IL32: variants seen among roughly 807,000 people sequenced by gnomAD.
IL32 encodes the protein interleukin-32.
A neutral mutation model predicts 16.6 loss-of-function variants in IL32; 30 were observed. The observed-to-expected ratio is 1.81, with a 90% CI of 1.35 to 2.45. The LOEUF (loss-of-function observed/expected upper bound fraction) is 2.45, where lower values mean the gene tolerates loss of function less well. IL32 is among the 30% of genes most tolerant of loss of function. The pLI, the probability that IL32 is intolerant of heterozygous loss-of-function variation, is 0.00. For synonymous variants in IL32, 70 were observed against 86.1 expected (o/e 0.81, Z 1.03); for missense variants, 234 against 229.8 (o/e 1.02, Z -0.12).
intron 4 of IL32, 157 bp downstream of exon 4, chr16:3,067,770 C>T (rs1011420925): frequency 9.8e-6 from 8 of 817,590 alleles, no homozygotes; most frequent in East Asian, 5.1e-5. Flanking sequence ...AGTGAGTGGG[C>T]GGGTGGGGGA....
intron 2 of IL32, among the ~76,000 whole-genome samples, chr16:3,066,175 G>A (rs1956285055): frequency 6.6e-6 from 1 of 152,214 alleles, no homozygotes; most frequent in Admixed American, 6.5e-5. Context: ...AGCAAGGCCT[G>A]TGTGGGTCCT....
In IL32 at chr16:3,069,518, T is replaced by G; in HGVS notation, c.*163T>G. ...GTCGCCCTGGCATCTTAATAAAACC[T>G]GCTTATACTTCCCTGGCAGGGGAGA... On this transcript the variant is annotated 3_prime_UTR_variant, in exon 7 of 7. Coordinates refer to ENST00000525643, the MANE Select transcript of IL32 (RefSeq NM_001376923.1). 3.5e-6 allele frequency: 3 copies of G among 859,436 alleles called. No individual in the cohort carries two copies. The highest frequency in any genetic ancestry group is 2.6e-5 in the East Asian group (1 of 38,020). The allele number at this position is 859,436 out of a possible 1,614,324, so 53.2% of individuals were successfully genotyped here. A position where few individuals can be genotyped will look rare whatever the true frequency, so the allele number is the denominator to read the frequency against.
rs757809713 is a variant in IL32 at position 3,067,423 on chromosome 16, T to C, written c.54+8T>C. The C allele has an allele frequency of 3.1e-6, 5 of 1,594,394 alleles. No homozygotes were observed. In the African/African-American group the frequency reaches 4.1e-5, roughly 13 times the overall value. The stretch of plus-strand genomic sequence containing the variant: ...AAGCTGAAGGCCCGAATGGTAATGC[T>C]CCTCCCTACTTCTGCTCAGGGGTTG... On this transcript the variant is annotated splice_region_variant and intron_variant, in intron 3 of 6. Transcript: ENST00000525643.
chr16:3,068,766 G>A, intron 6 of IL32: 1 of 674,000 alleles, frequency 1.5e-6, no homozygotes, highest in East Asian at 2.9e-5. Context: ...GCCCTGACCT[G>A]GTGACCAAGC....
intron 6 of IL32, chr16:3,068,481 G>T (rs1488208508): frequency 1.5e-5 from 8 of 527,130 alleles, no homozygotes; most frequent in African/African-American, 1.3e-4. Context: ...GATTTTTTTT[G>T]TGTGTGTTTT....
intron 6 of IL32, chr16:3,068,709 TG>T (rs965614871): frequency 1.0e-5 from 5 of 494,158 alleles, no homozygotes; most frequent in Non-Finnish European, 1.5e-5. Flanking sequence ...GACCTGCCCA[TG>T]GCCTCACTCC....
chr16:3,067,278 TG>T lies in IL32; in HGVS notation c.16-98del, dbSNP rs1567142054. 1.8e-4 allele frequency: 69 copies of T among 376,664 alleles called. No individual in the cohort carries two copies. The East Asian group carries it at 2.6e-3, about 14-fold the overall frequency. 23.3% of individuals were successfully genotyped at this position (376,664 alleles called of 1,614,324 possible). A position where few individuals can be genotyped will look rare whatever the true frequency, so the allele number is the denominator to read the frequency against. ...TACCTCTGCCATGTGTCTCTGTGTG[TG>T]TGTGTGTGTGTGTGTGTGTGTGTGT... On this transcript the variant is annotated intron_variant, in intron 2 of 6. Transcript: ENST00000525643.
upstream of IL32, chr16:3,065,588 G>T: frequency 3.1e-6 from 2 of 641,680 alleles, no homozygotes; most frequent in Non-Finnish European, 5.6e-6. Flanking sequence ...GAGAGGCTCC[G>T]CCCACTACCC....
chr16:3,068,089 T>C, intron 5 of IL32, 79 bp downstream of exon 5: 1 of 1,605,236 alleles, frequency 6.2e-7, no homozygotes. Flanking sequence ...GGGCCCCGGG[T>C]CCCCTTGGGA....
Position 3,069,430 on chromosome 16 carries a change from C to G in IL32, c.*75C>G. The G allele has an allele frequency of 6.8e-7, 1 of 1,481,076 alleles. No individual in the cohort carries two copies. Among genetic ancestry groups the G allele is most frequent in the Non-Finnish European group, 9.1e-7 (1 of 1,101,192 alleles). The allele number at this position is 1,481,076 out of a possible 1,614,324, so 91.7% of individuals were successfully genotyped here. On this transcript the variant is annotated 3_prime_UTR_variant, in exon 7 of 7. Transcript: ENST00000525643. ...CCCCTCCCTCAGCTGTCCTGTGCCC[C>G]GCCCTCTCCCGCACACTCAGTCCCC...
rs1202851876 is a variant in IL32 at position 3,066,060 on chromosome 16, CCCTTCACAG to C, written c.15+237_15+245del. 2.0e-5 allele frequency among the ~76,000 whole-genome samples: 3 copies of C among 152,230 alleles called. No homozygotes were observed. The South Asian group carries it at 6.2e-4, about 32-fold the overall frequency. On this transcript the variant is annotated intron_variant, in intron 2 of 6. Coordinates refer to ENST00000525643, the MANE Select transcript of IL32 (RefSeq NM_001376923.1). ...TGAGAGGGAGCACCTGTCCCAGGAG[CCCTTCACAG>C]CCCGGAAAGCCCGGGGCAGGGGTGG...
At chr16:3,068,929 G>C (rs1596265355) in intron 6 of IL32, 61 bp from the exon 7 acceptor site, 1 of 1,601,828 alleles carries the variant, frequency 6.2e-7, no homozygotes, top group African/African-American at 1.4e-5. Context: ...GCCTGGGTGT[G>C]GCCAGGGCCT....
At chr16:3,067,515 G>GA in intron 3 of IL32, 39 bp from the exon 4 acceptor site, 1 of 1,614,014 alleles carries the variant, frequency 6.2e-7, no homozygotes, top group Non-Finnish European at 8.5e-7. Context: ...GAGGGACAAG[G>GA]ATCCGGCCCT....
At position 3,067,383 on chromosome 16, in the gene IL32, T is replaced by C. The variant is rs1337467275; in HGVS notation, c.22T>C (p.Ser8Pro). 18 of 1,549,226 alleles carry C rather than the reference T, an allele frequency of 1.2e-5. No homozygotes were observed. The highest frequency in any genetic ancestry group is 2.3e-5 in the East Asian group (1 of 44,276). The change falls in exon 3 of 7, where the codon TCT becomes CCT. Residue 8 changes from serine to proline, a missense_variant. Around this residue, in one of 3 missense-constraint regions of IL32, gnomAD observed 137 missense variants for 80.7 expected, o/e 1.70. Coordinates refer to ENST00000525643, the MANE Select transcript of IL32 (RefSeq NM_001376923.1). ...GTCACCGTTATTTCCGCAGGTCCTC[T>C]CTGATGACATGAAGAAGCTGAAGGC... MCFPKVL[S>P]DDMKKLKARM... is the part of the protein sequence containing the mutation.
At chr16:3,068,440 G>A in intron 6 of IL32, 2 of 582,496 alleles carry the variant, frequency 3.4e-6, no homozygotes, top group South Asian at 2.0e-5. Context: ...CAAGTAGTTG[G>A]GACTACAGGC....
rs547829248 is a variant in IL32 at position 3,067,406 on chromosome 16, G to A, written c.45G>A (p.Lys15=). ...TCTCTGATGACATGAAGAAGCTGAA[G>A]GCCCGAATGGTAATGCTCCTCCCTA... ...KVLSDDMKKL[K]ARMHQAIERF... The change falls in exon 3 of 7, where the codon AAG becomes AAA. Residue 15 remains lysine (K), a synonymous_variant. Transcript: ENST00000525643. 2.3e-5 allele frequency: 36 copies of A among 1,570,210 alleles called. No homozygotes were observed. The highest frequency in any genetic ancestry group is 1.2e-4 in the African/African-American group (9 of 73,352).
At position 3,067,611 on chromosome 16, in the gene IL32, C is replaced by G; in HGVS notation, c.112C>G (p.Gln38Glu). 1 of 1,608,340 alleles carries G rather than the reference C, an allele frequency of 6.2e-7. No homozygotes were observed. Residue 38 changes from glutamine (Q) to glutamate (E), a missense_variant and splice_region_variant, in exon 4 of 7, where the codon CAG becomes GAG. This residue lies in a region of IL32 where 137 missense variants were observed against 80.7 expected (regional missense o/e 1.70). Coordinates refer to ENST00000525643, the MANE Select transcript of IL32 (RefSeq NM_001376923.1). ...GCAAAATGCAGAATCAGGACGTGGA[C>G]AGGTGGGTGGATTTCCCCTCAGGCA... ...KMQNAESGRG[Q>E]VMSSLAELED...
At chr16:3,065,432 AG>A, upstream of IL32, 1 of 315,700 alleles carries the variant, frequency 3.2e-6, no homozygotes, top group Non-Finnish European at 6.0e-6. Flanking sequence ...CAGAGGGAGC[AG>A]GGGCCCAGCC....
chr16:3,069,497 C>T lies in IL32; in HGVS notation c.*142C>T, dbSNP rs1956836070. The stretch of plus-strand genomic sequence containing the variant: ...CCGCAGCTCTGACCTGGTGCTGTCG[C>T]CCTGGCATCTTAATAAAACCTGCTT... On this transcript the variant is annotated 3_prime_UTR_variant, in exon 7 of 7. Transcript: ENST00000525643. 9.5e-7 allele frequency: 1 copy of T among 1,058,188 alleles called. No individual in the cohort carries two copies. 65.5% of individuals were successfully genotyped at this position (1,058,188 alleles called of 1,614,324 possible).
Sources: gnomAD v4.1 joint callset for allele counts (sites outside exome capture counted in the v4.1 genomes callset) on GRCh38, gnomAD v4.1.1 for gene constraint, gnomAD v4.1.1 regional missense constraint, MANE v1.5 for transcripts, NCBI Gene and HGNC (gene_info 2026-07-23, HGNC 2026-07-21) for gene names.